The following NRXN1 variants were observed in gnomAD, a reference collection of about 807,000 sequenced individuals.
The protein encoded by NRXN1 is neurexin 1, also known as neurexin-1.
Under a neutral mutation model 150.9 loss-of-function variants are expected in NRXN1, and 39 were observed. The observed-to-expected ratio is 0.26, with a 90% CI of 0.20 to 0.34. The LOEUF (loss-of-function observed/expected upper bound fraction) is 0.34, where lower values mean the gene tolerates loss of function less well. NRXN1 is among the 10% of genes least tolerant of loss of function. NRXN1 has a pLI of 1.00. For synonymous variants in NRXN1, 924 were observed against 757.0 expected (o/e 1.22, Z -3.62); for missense variants, 1,815 against 1,949.9 (o/e 0.93, Z 1.30).
chr2:50,722,666 T>C (rs1407758619), intron 5 of NRXN1, among the ~76,000 whole-genome samples: 3 of 152,178 alleles, frequency 2.0e-5, no homozygotes. Flanking sequence ...TTATGTTTTG[T>C]ATAGTGAATA....
intron 5 of NRXN1, among the ~76,000 whole-genome samples, chr2:50,776,490 G>A (rs1703651200): frequency 6.6e-6 from 1 of 151,516 alleles, no homozygotes; most frequent in South Asian, 2.1e-4. Flanking sequence ...AGGCAATACT[G>A]GTGACTTCTT....
intron 5 of NRXN1, among the ~76,000 whole-genome samples, chr2:50,896,458 A>C (rs1217626048): frequency 6.6e-6 from 1 of 152,204 alleles, no homozygotes; most frequent in Non-Finnish European, 1.5e-5. Flanking sequence ...ATATATTAGA[A>C]AATGGTGTGT....
At chr2:50,157,085 G>T (rs532883550) in intron 18 of NRXN1, among the ~76,000 whole-genome samples, 1 of 152,076 alleles carries the variant, frequency 6.6e-6, no homozygotes, top group East Asian at 1.9e-4. Context: ...GAGGTACACA[G>T]GTGGGGCAGG....
intron 5 of NRXN1, among the ~76,000 whole-genome samples, chr2:50,785,078 G>A (rs1028478173): frequency 2.6e-5 from 4 of 151,928 alleles, no homozygotes; most frequent in African/African-American, 4.8e-5. Flanking sequence ...AGAAGAGGAA[G>A]AGACACTGGA....
intron 18 of NRXN1, among the ~76,000 whole-genome samples, chr2:50,113,508 T>G (rs1457937788): frequency 1.3e-5 from 2 of 152,216 alleles, no homozygotes; most frequent in African/African-American, 4.8e-5. Context: ...GGAAAATAAT[T>G]AACCATAACT....
chr2:50,410,516 C>G (rs1415689645), intron 17 of NRXN1, among the ~76,000 whole-genome samples: 3 of 152,116 alleles, frequency 2.0e-5, no homozygotes, highest in African/African-American at 7.2e-5. Flanking sequence ...GCTCCTGGAG[C>G]AAAGAACTAT....
chr2:50,077,387 C>T (rs73932914), intron 19 of NRXN1, among the ~76,000 whole-genome samples: 7,450 of 152,062 alleles, frequency 0.049, 641 homozygotes, highest in African/African-American at 0.17. Flanking sequence ...CCATAAAGCA[C>T]AGGCCTCATC....
intron 19 of NRXN1, among the ~76,000 whole-genome samples, chr2:50,079,055 C>A (rs536811237): frequency 6.6e-6 from 1 of 152,160 alleles, no homozygotes; most frequent in South Asian, 2.1e-4. Context: ...TATGGGTGAG[C>A]TGTCTCTGCT....
intron 5 of NRXN1, among the ~76,000 whole-genome samples, chr2:50,776,888 C>T (rs892107930): frequency 7.2e-5 from 11 of 152,074 alleles, no homozygotes; most frequent in African/African-American, 2.2e-4. Flanking sequence ...CAGTGCCCAC[C>T]GATCCTAGTC....
At chr2:50,022,184 G>A (rs983910666) in intron 21 of NRXN1, among the ~76,000 whole-genome samples, 2 of 151,870 alleles carry the variant, frequency 1.3e-5, no homozygotes, top group African/African-American at 2.4e-5. Context: ...AGATTTCACC[G>A]TGTTAGCCAG....
rs1667901150 is a variant in NRXN1, at chr2:49,919,873, A to T, written c.*2071T>A. The T allele has an allele frequency of 6.6e-6, 1 of 152,100 alleles. No individual in the cohort carries two copies. The highest frequency in any genetic ancestry group is 1.9e-4 in the East Asian group (1 of 5,198). 9.4% of individuals were successfully genotyped at this position (152,100 alleles called of 1,614,324 possible). On this transcript the variant is annotated 3_prime_UTR_variant, in exon 23 of 23. Coordinates refer to ENST00000401669, the MANE Select transcript of NRXN1 (RefSeq NM_001330078.2). The stretch of plus-strand genomic sequence containing the variant: ...CTAAGGTGCTGTATGTCTGAAATCC[A>T]GGCCACTTCTTGGCTTTTTTTTCAT...
rs202078514 is a variant in NRXN1 at position 50,531,195 on chromosome 2, T to G, written c.2347+32A>C. On this transcript the variant is annotated intron_variant, in intron 11 of 22. Transcript: ENST00000401669. Reference sequence around the variant, plus strand: ...GCAAATTGAACAAAAAGTAAAAAAGTGTTAGTTCAATGGGGGAAGGCAGGT... The same window carrying G: ...GCAAATTGAACAAAAAGTAAAAAAGGGTTAGTTCAATGGGGGAAGGCAGGT... 3 of 1,570,422 alleles carry G rather than the reference T, an allele frequency of 1.9e-6. No individual in the cohort carries two copies. In the East Asian group the frequency reaches 6.8e-5, roughly 36 times the overall value.
chr2:49,922,239 C>G lies in NRXN1; in HGVS notation c.4229G>C (p.Arg1410Pro). 6.2e-7 allele frequency: 1 copy of G among 1,613,664 alleles called. No individual in the cohort carries two copies. Among genetic ancestry groups the G allele is most frequent in the South Asian group, 1.1e-5 (1 of 91,034 alleles). ...TGGATACGGCTCTCTGCCGCCTGCT[C>G]GGGTTGGGTTGGCTATAGAAAAGAG... ...PSSGGLANPTRAGGREPYPGS... is the reference protein window; with the variant it reads ...PSSGGLANPTPAGGREPYPGS... Residue 1410 changes from arginine to proline, a missense_variant, in exon 23 of 23, where the codon CGA (arginine) becomes CCA (proline). This residue lies in a region of NRXN1 where 265 missense variants were observed against 307.1 expected (regional missense o/e 0.86). Coordinates refer to ENST00000401669, the MANE Select transcript of NRXN1 (RefSeq NM_001330078.2).
chr2:50,621,390 T>A, intron 6 of NRXN1, 141 bp from the exon 7 acceptor site: 1 of 606,292 alleles, frequency 1.6e-6, no homozygotes. Context: ...ATTCCATGAA[T>A]GACATGTTAG....
At position 50,552,710 on chromosome 2, in the gene NRXN1, G is replaced by T. The variant is rs1212922611; in HGVS notation, c.1636C>A (p.Leu546Ile). 8 of 1,613,908 alleles carry T rather than the reference G, an allele frequency of 5.0e-6. No individual in the cohort carries two copies. The highest frequency in any genetic ancestry group is 6.8e-6 in the Non-Finnish European group (8 of 1,179,814). The change falls in exon 9 of 23, where the codon CTA (leucine) becomes ATA (isoleucine). Residue 546 changes from leucine to isoleucine, a missense_variant. This residue lies in a region of NRXN1 where 638 missense variants were observed against 652.6 expected (regional missense o/e 0.98). Transcript: ENST00000401669. The stretch of plus-strand genomic sequence containing the variant: ...AGGAGGAGGTAGAGGTGGCCATCTA[G>T]CATCTCAATAGCAAAGAAGTCCACC... ...IKVDFFAIEMLDGHLYLLLDM... is the reference protein window; with the variant it reads ...IKVDFFAIEMIDGHLYLLLDM...
Position 50,923,704 on chromosome 2 carries a change from A to G in NRXN1, c.791-1017T>C, listed in dbSNP as rs141718045. Among the ~76,000 whole-genome samples, 402 of 151,964 alleles carry G rather than the reference A, an allele frequency of 2.6e-3. 1 individual carries two copies. The highest frequency in any genetic ancestry group is 4.8e-3 in the Non-Finnish European group (323 of 67,842). On this transcript the variant is annotated intron_variant, in intron 3 of 22. Coordinates refer to ENST00000401669, the MANE Select transcript of NRXN1 (RefSeq NM_001330078.2). ...ATACGGGAAAATGTTAGAGAAATAC[A>G]CATTTATCAGTTTTAATAAACTTGT...
chr2:50,340,998 AG>A (rs998267319), intron 17 of NRXN1, among the ~76,000 whole-genome samples: 2 of 152,200 alleles, frequency 1.3e-5, no homozygotes, highest in Non-Finnish European at 2.9e-5. Flanking sequence ...TTGTCTAAAA[AG>A]GACTGCTTTT....
chr2:50,868,780 G>C (rs1404987018), intron 5 of NRXN1, among the ~76,000 whole-genome samples: 2 of 151,562 alleles, frequency 1.3e-5, no homozygotes, highest in Non-Finnish European at 2.9e-5. Flanking sequence ...TTCTCCTAAT[G>C]GTCATTTGAG....
At chr2:49,987,759 G>T (rs978319746) in intron 21 of NRXN1, among the ~76,000 whole-genome samples, 24 of 145,432 alleles carry the variant, frequency 1.7e-4, no homozygotes, top group Admixed American at 9.0e-4. Flanking sequence ...ATGAAACAAC[G>T]TTTTTTTTTT....
Sources: gnomAD v4.1 joint callset for allele counts (sites outside exome capture counted in the v4.1 genomes callset) on GRCh38, gnomAD v4.1.1 for gene constraint, gnomAD v4.1.1 regional missense constraint, MANE v1.5 for transcripts, NCBI Gene and HGNC (gene_info 2026-07-23, HGNC 2026-07-21) for gene names.